Variants in SRGAP1 observed in about 807,000 individuals in gnomAD.
SRGAP1 encodes SLIT-ROBO Rho GTPase-activating protein 1.
SRGAP1 carries 43 observed loss-of-function variants against 121.9 expected under a neutral mutation model. That is an observed-to-expected ratio of 0.35 (90% CI 0.28 to 0.46). SRGAP1 has a LOEUF of 0.46. SRGAP1 is among the 20% of genes least tolerant of loss of function. The probability of loss-of-function intolerance (pLI) is 1.00; values close to 1 mark genes in which losing one functional copy is unlikely to be tolerated. For synonymous variants in SRGAP1, 447 were observed against 485.4 expected, an observed-to-expected ratio of 0.92 and a Z score of 1.04; for missense variants, 1,102 against 1,350.9, an observed-to-expected ratio of 0.82 and a Z score of 2.89.
At chr12:64,106,394 A>G (rs1398710617) in intron 15 of SRGAP1, among the ~76,000 whole-genome samples, 1 of 152,194 alleles carries the variant, frequency 6.6e-6, no homozygotes, top group African/African-American at 2.4e-5. Flanking sequence ...AAAATCAGCT[A>G]TTTTAGGTAA....
At chr12:63,977,204 A>G (rs1245026322) in intron 1 of SRGAP1, among the ~76,000 whole-genome samples, 1 of 152,196 alleles carries the variant, frequency 6.6e-6, no homozygotes, top group East Asian at 1.9e-4. Flanking sequence ...GCCCGTTGGC[A>G]TCTCATTGCG....
At chr12:64,085,689 A>G (rs777126907) in intron 10 of SRGAP1, among the ~76,000 whole-genome samples, 7 of 152,138 alleles carry the variant, frequency 4.6e-5, no homozygotes, top group Non-Finnish European at 7.3e-5. Context: ...ATGAATAGCT[A>G]TAAATTATTC....
intron 18 of SRGAP1, among the ~76,000 whole-genome samples, chr12:64,120,130 T>G (rs1226501427): frequency 6.6e-6 from 1 of 152,182 alleles, no homozygotes. Context: ...TGCTGCTTGA[T>G]CATTTTTTAT....
chr12:64,095,342 C>A (rs1052724775), intron 14 of SRGAP1, 138 bp downstream of exon 14: 10 of 696,510 alleles, frequency 1.4e-5, no homozygotes, highest in Admixed American at 2.8e-5. Flanking sequence ...CAGTAAGAAT[C>A]CATTAAGAAT....
chr12:63,896,103 C>T (rs563695594), intron 1 of SRGAP1, among the ~76,000 whole-genome samples: 3 of 152,080 alleles, frequency 2.0e-5, no homozygotes, highest in South Asian at 4.2e-4. Flanking sequence ...CAAGTCTAAC[C>T]TTATTTTATC....
chr12:63,933,386 T>C (rs2031551340), intron 1 of SRGAP1, among the ~76,000 whole-genome samples: 1 of 152,118 alleles, frequency 6.6e-6, no homozygotes, highest in African/African-American at 2.4e-5. Flanking sequence ...CTAGGTTATA[T>C]GTGGTAGGGA....
intron 4 of SRGAP1, among the ~76,000 whole-genome samples, chr12:64,026,645 T>C (rs1162955374): frequency 3.3e-5 from 5 of 152,054 alleles, no homozygotes; most frequent in Non-Finnish European, 7.4e-5. Flanking sequence ...GGCAGGCAGA[T>C]CATCTAAGGT....
At chr12:64,134,940 G>A (rs2036837053) in intron 21 of SRGAP1, among the ~76,000 whole-genome samples, 1 of 152,154 alleles carries the variant, frequency 6.6e-6, no homozygotes, top group Admixed American at 6.5e-5. Context: ...CTAGTTACAG[G>A]TCTAGAAGCA....
chr12:64,107,801 A>T (rs1026253987), intron 15 of SRGAP1, among the ~76,000 whole-genome samples: 2 of 152,214 alleles, frequency 1.3e-5, no homozygotes, highest in African/African-American at 2.4e-5. Context: ...TTTCAAACAT[A>T]ATACTTTTTT....
At position 64,151,152 on chromosome 12, in the gene SRGAP1, A is replaced by G. The variant is rs561628688; in HGVS notation, c.*8480A>G. 6.6e-6 allele frequency: 1 copy of G among 152,160 alleles called. No homozygotes were observed. Among genetic ancestry groups the G allele is most frequent in the East Asian group, 1.9e-4 (1 of 5,174 alleles). 9.4% of individuals were successfully genotyped at this position (152,160 alleles called of 1,614,324 possible). A position where few individuals can be genotyped will look rare whatever the true frequency, so the allele number is the denominator to read the frequency against. On this transcript the variant is annotated 3_prime_UTR_variant, in exon 22 of 22. Transcript: ENST00000355086. ...ACTAGACTTCAACAAATACCAACCCATGCCTCCATTTCCCAAACAGAAATA... is the reference window on the plus strand; with the variant it reads ...ACTAGACTTCAACAAATACCAACCCGTGCCTCCATTTCCCAAACAGAAATA...
intron 3 of SRGAP1, among the ~76,000 whole-genome samples, chr12:64,003,958 G>GA (rs780081530): frequency 5.3e-5 from 8 of 152,198 alleles, no homozygotes; most frequent in Non-Finnish European, 1.2e-4. Flanking sequence ...AGCAGCCAGT[G>GA]AAAAATGATA....
chr12:63,860,949 C>CT (rs1285410645), intron 1 of SRGAP1, among the ~76,000 whole-genome samples: 1 of 151,928 alleles, frequency 6.6e-6, no homozygotes, highest in African/African-American at 2.4e-5. Context: ...AATGCTCTCA[C>CT]TTCAGCCTCT....
chr12:63,984,729 G>C (rs1416895066), intron 2 of SRGAP1, among the ~76,000 whole-genome samples: 1 of 152,108 alleles, frequency 6.6e-6, no homozygotes, highest in Non-Finnish European at 1.5e-5. Flanking sequence ...AAATCCTGGG[G>C]ACAGGGCCAG....
chr12:64,031,762 C>T (rs2034786570), intron 4 of SRGAP1, among the ~76,000 whole-genome samples: 1 of 152,148 alleles, frequency 6.6e-6, no homozygotes, highest in East Asian at 1.9e-4. Flanking sequence ...ATGATCACGC[C>T]TCTACTTTGT....
At chr12:64,050,350 G>T (rs1470215912) in intron 6 of SRGAP1, among the ~76,000 whole-genome samples, 2 of 152,056 alleles carry the variant, frequency 1.3e-5, no homozygotes, top group African/African-American at 4.8e-5. Flanking sequence ...TTCCCAATTT[G>T]TACGTTATTT....
intron 21 of SRGAP1, among the ~76,000 whole-genome samples, chr12:64,137,961 A>AATAT (rs1555177363): frequency 1.4e-5 from 2 of 139,684 alleles, no homozygotes; most frequent in South Asian, 2.2e-4. Flanking sequence ...TTAAAAAAAA[A>AATAT]ATATATATAT....
rs762050708 is a variant in SRGAP1 at position 64,097,346 on chromosome 12, A to C, written c.1784A>C (p.Glu595Ala). 4 of 1,612,384 alleles carry C rather than the reference A, an allele frequency of 2.5e-6. No homozygotes were observed. In the South Asian group the frequency reaches 3.3e-5, roughly 13 times the overall value. The change falls in exon 15 of 22, where the codon GAA (glutamate) becomes GCA (alanine). Residue 595 changes from glutamate to alanine, a missense_variant. Glu to Ala is a moderately radical substitution (Grantham distance 107). Transcript: ENST00000355086. ...RGLENPLFPK[E>A]RFNDLISCIR... ...CTGGAAAACCCCCTCTTTCCTAAGG[A>C]AAGATTTAACGATCTGATTTCTTGT...
At position 64,150,051 on chromosome 12, in the gene SRGAP1, A is replaced by G. The variant is rs1418919192; in HGVS notation, c.*7379A>G. 1 of 152,196 alleles carries G rather than the reference A, an allele frequency of 6.6e-6. No individual in the cohort carries two copies. The highest frequency in any genetic ancestry group is 1.5e-5 in the Non-Finnish European group (1 of 68,036). 9.4% of individuals were successfully genotyped at this position (152,196 alleles called of 1,614,324 possible). Reference sequence around the variant, plus strand: ...ATAGTAAATAGAAAACTTGCCTTCTATAATAAAAACAAAATAGTTTTTCTA... The same window carrying G: ...ATAGTAAATAGAAAACTTGCCTTCTGTAATAAAAACAAAATAGTTTTTCTA... On this transcript the variant is annotated 3_prime_UTR_variant, in exon 22 of 22. Coordinates refer to ENST00000355086, the MANE Select transcript of SRGAP1 (RefSeq NM_020762.4).
intron 4 of SRGAP1, chr12:64,032,636 TG>T: frequency 2.6e-6 from 1 of 379,584 alleles, no homozygotes; most frequent in Non-Finnish European, 4.9e-6. Context: ...TTTTAAATTC[TG>T]GATGACGTGA....
Sources: gnomAD v4.1 joint callset for allele counts (sites outside exome capture counted in the v4.1 genomes callset) on GRCh38, gnomAD v4.1.1 for gene constraint, MANE v1.5 for transcripts, NCBI Gene and HGNC (gene_info 2026-07-23, HGNC 2026-07-21) for gene names.